The following TSPAN7 variants were observed in gnomAD, a reference collection of about 807,000 sequenced individuals.
The protein encoded by TSPAN7 is tetraspanin 7, also known as tetraspanin-7.
TSPAN7 carries 1 observed loss-of-function variant against 17.6 expected under a neutral mutation model. That is an observed-to-expected ratio of 0.06 (90% confidence interval 0.02 to 0.27). The LOEUF (loss-of-function observed/expected upper bound fraction) is 0.27, where lower values mean the gene tolerates loss of function less well. TSPAN7 is among the 10% of genes least tolerant of loss of function. TSPAN7 has a pLI of 1.00. For missense variants in TSPAN7, 112 were observed against 201.7 expected, an observed-to-expected ratio of 0.56 and a Z score of 2.69; for synonymous variants, 78 against 79.0, an observed-to-expected ratio of 0.99 and a Z score of 0.07.
intron 1 of TSPAN7, among the ~76,000 whole-genome samples, chrX:38,583,552 C>T (rs978217428): frequency 1.8e-5 from 2 of 111,861 alleles, no homozygotes; most frequent in Non-Finnish European, 3.8e-5. Flanking sequence ...GGAAAATAGA[C>T]AATAAACAAG....
chrX:38,641,936 A>G (rs2069614398), intron 1 of TSPAN7, among the ~76,000 whole-genome samples: 1 of 112,247 alleles, frequency 8.9e-6, no homozygotes, highest in South Asian at 3.7e-4. Context: ...CTGATGCCTC[A>G]TGCTGCTACT....
chrX:38,566,812 A>G (rs1166420558), intron 1 of TSPAN7, among the ~76,000 whole-genome samples: 3 of 112,089 alleles, frequency 2.7e-5, no homozygotes, highest in Non-Finnish European at 5.6e-5. Context: ...AAGAAATGTA[A>G]TAAATATTTT....
In TSPAN7 at chrX:38,684,599, A is replaced by G. The variant is rs1002069153; in HGVS notation, c.682-3000A>G. On this transcript the variant is annotated intron_variant, in intron 6 of 7. Transcript: ENST00000378482. Reference sequence around the variant, plus strand: ...GGACATGTTTATTGTTCAATTTGTGACATTGTGTATATGTACATATGCATG... The same window carrying G: ...GGACATGTTTATTGTTCAATTTGTGGCATTGTGTATATGTACATATGCATG... 8.1e-5 allele frequency among the ~76,000 whole-genome samples: 9 copies of G among 111,344 alleles called. No individual in the cohort carries two copies. In the East Asian group the frequency reaches 2.0e-3, roughly 24 times the overall value.
intron 6 of TSPAN7, among the ~76,000 whole-genome samples, chrX:38,684,940 C>A (rs1170556607): frequency 9.0e-6 from 1 of 111,626 alleles, no homozygotes; most frequent in Admixed American, 9.5e-5. Flanking sequence ...GAAGGGAATT[C>A]ATTTTGTGCT....
chrX:38,571,965 G>T (rs2069171448), intron 1 of TSPAN7, among the ~76,000 whole-genome samples: 1 of 111,429 alleles, frequency 9.0e-6, no homozygotes, highest in South Asian at 3.8e-4. Context: ...GTCTTCAAGT[G>T]AACTCTTGGA....
intron 6 of TSPAN7, among the ~76,000 whole-genome samples, chrX:38,684,626 G>A (rs2069915288): frequency 9.0e-6 from 1 of 111,526 alleles, no homozygotes; most frequent in Non-Finnish European, 1.9e-5. Context: ...ATATGCATGT[G>A]TGTCTGTGGT....
intron 1 of TSPAN7, among the ~76,000 whole-genome samples, chrX:38,562,738 G>C (rs978793093): frequency 9.0e-5 from 10 of 111,303 alleles, no homozygotes; most frequent in Non-Finnish European, 1.9e-4. Flanking sequence ...CGGTGACCCC[G>C]TCTTCCCTAG....
At position 38,671,468 on chromosome X, in the gene TSPAN7, G is replaced by A. The variant is rs1423424775; in HGVS notation, c.345+18G>A. 6.7e-6 allele frequency: 8 copies of A among 1,197,142 alleles called. No individual in the cohort carries two copies. Among genetic ancestry groups the A allele is most frequent in the Middle Eastern group, 2.3e-4 (1 of 4,337 alleles). ...GTCATGAGGTGAGTATACACAAAAT[G>A]CAGAACTCAGTTAAGGGGTGTTTGG... On this transcript the variant is annotated intron_variant, in intron 3 of 7. Transcript: ENST00000378482.
chrX:38,599,863 A>G (rs1569304957), intron 1 of TSPAN7, among the ~76,000 whole-genome samples: 1 of 111,770 alleles, frequency 8.9e-6, no homozygotes, highest in Non-Finnish European at 1.9e-5. Flanking sequence ...TTTGTTTTAC[A>G]TTTCTCCCAA....
chrX:38,612,750 T>C (rs2069427515), intron 1 of TSPAN7: 1 of 111,877 alleles, frequency 8.9e-6, no homozygotes, highest in Admixed American at 9.5e-5. Flanking sequence ...AATTCAAAGC[T>C]CTAAAGGAAA....
intron 1 of TSPAN7, among the ~76,000 whole-genome samples, chrX:38,644,936 G>A (rs114060175): frequency 0.014 from 1,561 of 112,070 alleles, 36 homozygotes; most frequent in African/African-American, 0.048. Flanking sequence ...CGGCCGGTAA[G>A]TGGTGTGGAA....
At chrX:38,649,885 G>A (rs767530184) in intron 1 of TSPAN7, among the ~76,000 whole-genome samples, 2 of 112,253 alleles carry the variant, frequency 1.8e-5, no homozygotes, top group African/African-American at 6.5e-5. Context: ...TTGCTGATAA[G>A]ATGGGGCATT....
intron 1 of TSPAN7, chrX:38,612,590 CTTTTTA>C (rs1255021900): frequency 1.8e-5 from 2 of 111,588 alleles, no homozygotes; most frequent in Non-Finnish European, 3.8e-5. Flanking sequence ...AGCTTCTTTT[CTTTTTA>C]TATCTTCTGT....
chrX:38,681,049 A>C (rs760078466), intron 5 of TSPAN7, among the ~76,000 whole-genome samples, 155 bp from the exon 6 acceptor site: 2 of 112,142 alleles, frequency 1.8e-5, no homozygotes, highest in Admixed American at 1.9e-4. Context: ...TTATTGTTTT[A>C]AGTTTGAAAA....
Position 38,687,683 on chromosome X carries a change from C to G in TSPAN7, c.*7+9C>G, listed in dbSNP as rs769894790. 3.8e-5 allele frequency: 46 copies of G among 1,200,501 alleles called. No homozygotes were observed. The highest frequency in any genetic ancestry group is 5.2e-5 in the Non-Finnish European group (46 of 889,054). ...GATGGTGTAAGGAGAAGGTAGGTGA[C>G]AGTGGGGAGTGTTTAATTTTGAGGG... On this transcript the variant is annotated intron_variant, in intron 7 of 7. Transcript: ENST00000378482.
At chrX:38,675,533 T>TCAAACATTTC (rs2069847629) in intron 4 of TSPAN7, among the ~76,000 whole-genome samples, 172 bp from the exon 5 acceptor site, 1 of 112,082 alleles carries the variant, frequency 8.9e-6, no homozygotes, top group African/African-American at 3.2e-5. Context: ...CAAACAAGCA[T>TCAAACATTTC]CAATATGGGT....
chrX:38,598,793 G>A (rs943229696), intron 1 of TSPAN7, among the ~76,000 whole-genome samples: 6 of 111,222 alleles, frequency 5.4e-5, no homozygotes, highest in Non-Finnish European at 9.5e-5. Flanking sequence ...CCCATAATGA[G>A]CATTCAATTT....
intron 5 of TSPAN7, among the ~76,000 whole-genome samples, chrX:38,677,680 C>T (rs367775252): frequency 1.8e-5 from 2 of 112,334 alleles, no homozygotes; most frequent in Non-Finnish European, 3.8e-5. Context: ...TAGCCTCCAA[C>T]CTGGCTCCCT....
chrX:38,606,901 A>G (rs2069387016), intron 1 of TSPAN7, among the ~76,000 whole-genome samples: 1 of 112,073 alleles, frequency 8.9e-6, no homozygotes, highest in Admixed American at 9.4e-5. Context: ...TCTTTTGGAA[A>G]TGTAAATTAT....
Sources: allele counts gnomAD v4.1 joint callset (sites outside exome capture counted in the v4.1 genomes callset), GRCh38; gene constraint gnomAD v4.1.1; transcripts MANE v1.5; gene names NCBI Gene and HGNC (gene_info 2026-07-23, HGNC 2026-07-21).